The following TRHDE variants were observed in gnomAD, a reference collection of about 807,000 sequenced individuals.
The protein encoded by TRHDE is thyrotropin-releasing hormone-degrading ectoenzyme.
Under a neutral mutation model 125.7 loss-of-function variants are expected in TRHDE, and 72 were observed. The observed-to-expected ratio is 0.57, with a 90% CI of 0.47 to 0.70. The LOEUF (loss-of-function observed/expected upper bound fraction) is 0.70, where lower values mean the gene tolerates loss of function less well. Among genes scored for constraint, TRHDE ranks in the 30% least tolerant of loss-of-function variants. The pLI is 0.00. For missense variants in TRHDE, 1,110 were observed against 1,327.1 expected (o/e 0.84, Z 2.54); for synonymous variants, 509 against 509.1 (o/e 1.00, Z 0.00).
intron 2 of TRHDE, among the ~76,000 whole-genome samples, chr12:72,238,360 T>C (rs574109003): frequency 0.023 from 1,945 of 83,260 alleles, 235 homozygotes; most frequent in Non-Finnish European, 0.04. Flanking sequence ...TATATATATA[T>C]ATACACATAC....
At chr12:72,171,252 GA>G (rs149653500) in intron 2 of TRHDE, among the ~76,000 whole-genome samples, 28 of 148,566 alleles carry the variant, frequency 1.9e-4, no homozygotes, top group East Asian at 9.8e-4. Flanking sequence ...AAATGTCCAA[GA>G]AAAAAAAAAT....
chr12:72,272,583 C>G lies in TRHDE; in HGVS notation c.-61C>G, dbSNP rs1043555392. On this transcript the variant is annotated 5_prime_UTR_variant, in exon 1 of 19. Coordinates refer to ENST00000261180, the MANE Select transcript of TRHDE (RefSeq NM_013381.3). The surrounding 1 kb of genome is among the most constrained non-coding windows in gnomAD (Gnocchi z 6.7). Reference sequence around the variant, plus strand: ...TCTCCGATGCCTGCTCTGGCTGTGGCCCGGGTGGCCCGCCCGCGGGGGGTG... The same window carrying G: ...TCTCCGATGCCTGCTCTGGCTGTGGGCCGGGTGGCCCGCCCGCGGGGGGTG... 3.0e-6 allele frequency: 2 copies of G among 665,194 alleles called. No homozygotes were observed. The highest frequency in any genetic ancestry group is 1.9e-5 in the African/African-American group (1 of 54,048). The allele number at this position is 665,194 out of a possible 1,614,324, so 41.2% of individuals were successfully genotyped here. A position where few individuals can be genotyped will look rare whatever the true frequency, so the allele number is the denominator to read the frequency against.
At chr12:72,243,342 C>G (rs949583966) in intron 2 of TRHDE, among the ~76,000 whole-genome samples, 4 of 152,060 alleles carry the variant, frequency 2.6e-5, no homozygotes, top group South Asian at 4.1e-4. Flanking sequence ...TCAGAGAGTT[C>G]CTTCTATTGT....
rs1395015085 is a variant in TRHDE, at chr12:72,238,379, ATATT to A, written n.279+132629_279+132632del. Among the ~76,000 whole-genome samples, 5 of 95,240 alleles carry A rather than the reference ATATT, an allele frequency of 5.2e-5. 1 individual carries two copies. The highest frequency in any genetic ancestry group is 1.1e-4 in the African/African-American group (3 of 26,460). 62.5% of individuals were successfully genotyped at this position (95,240 alleles called of 152,430 possible). ...TATATATATACACATACATATATAT[ATATT>A]TTTTTTTAACTTTTTTTGATAAATT... On this transcript the variant is annotated intron_variant and non_coding_transcript_variant, in intron 2 of 4. Transcript: ENST00000548156.
chr12:72,527,405 G>T (rs369896634), intron 6 of TRHDE, among the ~76,000 whole-genome samples: 1 of 152,044 alleles, frequency 6.6e-6, no homozygotes, highest in South Asian at 2.1e-4. Context: ...TAAAGAATTC[G>T]ATTTAGGGCA....
rs370361530 is a variant in TRHDE at position 72,260,694 on chromosome 12, A to G, written n.280-117301A>G. ...AAGAGTGCTGGGCAGGGAAGAGGAC[A>G]TAAGACATAAGCTTTAAATGAAAGA... On this transcript the variant is annotated intron_variant and non_coding_transcript_variant, in intron 2 of 4. Coordinates refer to the TRHDE transcript ENST00000548156. Among the ~76,000 whole-genome samples the G allele has an allele frequency of 5.3e-5, 8 of 152,324 alleles. No homozygotes were observed. The East Asian group carries it at 1.2e-3, about 22-fold the overall frequency.
At chr12:72,294,999 G>A (rs1247027669) in intron 2 of TRHDE, among the ~76,000 whole-genome samples, 1 of 152,040 alleles carries the variant, frequency 6.6e-6, no homozygotes, top group East Asian at 1.9e-4. Flanking sequence ...GGCAGTGGGA[G>A]CAGGCATTTC....
intron 3 of TRHDE, among the ~76,000 whole-genome samples, chr12:72,449,912 C>T (rs990731019): frequency 6.6e-6 from 1 of 151,920 alleles, no homozygotes; most frequent in Non-Finnish European, 1.5e-5. Context: ...TTTTCTCCTT[C>T]TAGTTTCCTG....
At chr12:72,150,249 G>A (rs983381666) in intron 2 of TRHDE, among the ~76,000 whole-genome samples, 1 of 152,062 alleles carries the variant, frequency 6.6e-6, no homozygotes, top group Non-Finnish European at 1.5e-5. Context: ...AACTAGTGTG[G>A]TCAAAAAAGG....
At chr12:72,540,705 A>G (rs1034936222) in intron 6 of TRHDE, among the ~76,000 whole-genome samples, 1 of 151,628 alleles carries the variant, frequency 6.6e-6, no homozygotes, top group African/African-American at 2.4e-5. Context: ...CAGAGCTGAT[A>G]TGTTCTAAAG....
intron 2 of TRHDE, chr12:72,258,318 G>C (rs1471580191): frequency 2.6e-5 from 4 of 152,104 alleles, no homozygotes; most frequent in African/African-American, 7.2e-5. Context: ...AATAGGCAAA[G>C]CTGGTGCCTA....
At chr12:72,135,304 T>C (rs1446397705) in intron 2 of TRHDE, among the ~76,000 whole-genome samples, 2 of 152,242 alleles carry the variant, frequency 1.3e-5, no homozygotes, top group Non-Finnish European at 2.9e-5. Context: ...CACAATCTTT[T>C]TGTTTGAAGT....
chr12:72,325,075 G>GA (rs1328375692), intron 2 of TRHDE, among the ~76,000 whole-genome samples: 1 of 151,598 alleles, frequency 6.6e-6, no homozygotes, highest in Non-Finnish European at 1.5e-5. Context: ...AATCCAAATG[G>GA]AAAAAGAATT....
intron 12 of TRHDE, 135 bp from the exon 13 acceptor site, chr12:72,618,752 AAGTG>A (rs1242450676): frequency 4.7e-5 from 29 of 611,854 alleles, no homozygotes; most frequent in East Asian, 3.8e-4. Flanking sequence ...TATATTTTAA[AAGTG>A]AGTAATTTTA....
intron 2 of TRHDE, among the ~76,000 whole-genome samples, chr12:72,245,909 A>G (rs1381562503): frequency 6.6e-6 from 1 of 152,130 alleles, no homozygotes; most frequent in Non-Finnish European, 1.5e-5. Context: ...TACAACTGGG[A>G]GTATAGTATA....
At chr12:72,658,883 A>G (rs893526577) in intron 18 of TRHDE, among the ~76,000 whole-genome samples, 3 of 152,170 alleles carry the variant, frequency 2.0e-5, no homozygotes, top group Non-Finnish European at 4.4e-5. Flanking sequence ...AGGCTTTTGA[A>G]TACTTACATC....
intron 2 of TRHDE, among the ~76,000 whole-genome samples, chr12:72,367,855 G>C (rs1034720948): frequency 1.3e-5 from 2 of 152,184 alleles, no homozygotes; most frequent in Admixed American, 6.5e-5. Context: ...AATAATTACT[G>C]TGTCTTCCAA....
At chr12:72,138,142 C>A (rs149478782) in intron 2 of TRHDE, among the ~76,000 whole-genome samples, 1 of 152,026 alleles carries the variant, frequency 6.6e-6, no homozygotes, top group Admixed American at 6.6e-5. Flanking sequence ...TTTGGGAGAC[C>A]GAGGTGGGTG....
At chr12:72,100,077 A>T (rs938682452) in intron 1 of TRHDE, among the ~76,000 whole-genome samples, 9 of 151,952 alleles carry the variant, frequency 5.9e-5, no homozygotes, top group African/African-American at 2.2e-4. Context: ...ATCTTACTTT[A>T]AATAATGGTT....
Sources: gnomAD v4.1 joint callset for allele counts (sites outside exome capture counted in the v4.1 genomes callset) on GRCh38, gnomAD v4.1.1 for gene constraint, Gnocchi (gnomAD v3.1) non-coding constraint, MANE v1.5 for transcripts, NCBI Gene and HGNC (gene_info 2026-07-23, HGNC 2026-07-21) for gene names.